The following XAF1 variants were observed in gnomAD, a reference collection of about 807,000 sequenced individuals.
XAF1 encodes the protein XIAP-associated factor 1.
A neutral mutation model predicts 32.3 loss-of-function variants in XAF1; 32 were observed. That is an observed-to-expected ratio of 0.99 (90% CI 0.75 to 1.33). The LOEUF is 1.33. Among genes scored for constraint, XAF1 ranks in the 40% most tolerant of loss-of-function variants. The pLI is 0.00. For missense variants in XAF1, 379 were observed against 366.0 expected (o/e 1.04, Z -0.29); for synonymous variants, 120 against 125.9 (o/e 0.95, Z 0.31).
At chr17:6,771,987 T>G (rs2151562888) in intron 6 of XAF1, 1 of 152,364 alleles carries the variant, frequency 6.6e-6, no homozygotes, top group East Asian at 1.9e-4. Flanking sequence ...CTTTTTACTC[T>G]GCCACATGCC....
At chr17:6,762,351 A>G in intron 5 of XAF1, 111 bp downstream of exon 5, 1 of 872,328 alleles carries the variant, frequency 1.1e-6, no homozygotes, top group Non-Finnish European at 1.7e-6. Flanking sequence ...TGGATATTAA[A>G]GGGTCCCATA....
intron 5 of XAF1, among the ~76,000 whole-genome samples, chr17:6,768,154 C>T (rs1975755977): frequency 6.6e-6 from 1 of 150,442 alleles, no homozygotes; most frequent in South Asian, 2.1e-4. Flanking sequence ...ACAAAAGTCT[C>T]ACTCTGTTGC....
intron 2 of XAF1, chr17:6,758,703 C>G (rs1974922126): frequency 4.1e-6 from 1 of 246,144 alleles, no homozygotes; most frequent in Non-Finnish European, 7.8e-6. Context: ...CAGAGTGGGT[C>G]CAGTCCTCCC....
chr17:6,758,306 G>T, intron 2 of XAF1, 82 bp downstream of exon 2: 1 of 1,566,888 alleles, frequency 6.4e-7, no homozygotes, highest in South Asian at 1.1e-5. Context: ...GGGTCTGAGA[G>T]TTGGGGGACG....
intron 5 of XAF1, among the ~76,000 whole-genome samples, chr17:6,764,711 A>G (rs545519637): frequency 2.0e-5 from 3 of 152,050 alleles, no homozygotes; most frequent in South Asian, 4.1e-4. Context: ...ATAAGCTACC[A>G]TCTTGTTTCT....
rs1262891069 is a variant in XAF1 at position 6,769,618 on chromosome 17, T to C, written c.508-1025T>C. Among the ~76,000 whole-genome samples the C allele has an allele frequency of 4.6e-5, 7 of 152,192 alleles. No homozygotes were observed. In the East Asian group the frequency reaches 1.3e-3, roughly 29 times the overall value. On this transcript the variant is annotated intron_variant, in intron 5 of 6. Coordinates refer to ENST00000361842, the MANE Select transcript of XAF1 (RefSeq NM_017523.5). ...TCAAGGTGGATTGCTTCCTTGTGTGTTTGTAATTTTGGATTGTGAGTTTCT... is the reference window on the plus strand; with the variant it reads ...TCAAGGTGGATTGCTTCCTTGTGTGCTTGTAATTTTGGATTGTGAGTTTCT...
chr17:6,764,874 C>CCAATGCT (rs1168590184), intron 5 of XAF1, among the ~76,000 whole-genome samples: 2 of 152,100 alleles, frequency 1.3e-5, no homozygotes, highest in Non-Finnish European at 2.9e-5. Context: ...ATTGCTAAAT[C>CCAATGCT]CAATGCTCAG....
chr17:6,774,223 T>C lies in XAF1; in HGVS notation c.*1054T>C, dbSNP rs2151567719. On this transcript the variant is annotated 3_prime_UTR_variant, in exon 7 of 7. Coordinates refer to ENST00000361842, the MANE Select transcript of XAF1 (RefSeq NM_017523.5). The stretch of plus-strand genomic sequence containing the variant: ...TGGTGCTGGTACAAAAGCAGACACA[T>C]AGATCAATGGAACAGAATAGAGGGC... The C allele has an allele frequency of 6.6e-6, 1 of 152,226 alleles. No homozygotes were observed. Among genetic ancestry groups the C allele is most frequent in the Middle Eastern group, 3.4e-3 (1 of 294 alleles). The allele number at this position is 152,226 out of a possible 1,614,324, so 9.4% of individuals were successfully genotyped here.
chr17:6,769,325 T>C (rs1975845838), intron 5 of XAF1, among the ~76,000 whole-genome samples: 1 of 152,166 alleles, frequency 6.6e-6, no homozygotes, highest in Admixed American at 6.5e-5. Context: ...TGTGAAGTGA[T>C]TGATATGTTA....
rs1461243720 is a variant in XAF1 at position 6,770,843 on chromosome 17, C to T, written c.708C>T (p.Asn236=). 1 of 1,613,710 alleles carries T rather than the reference C, an allele frequency of 6.2e-7. No homozygotes were observed. The highest frequency in any genetic ancestry group is 1.3e-5 in the African/African-American group (1 of 74,874). ...SSSKKAPRSK[N]KTLDPLLMSE... Reference sequence around the variant, plus strand: ...CAAAGAAAGCACCAAGAAGCAAAAACAAAACCTTGGATCCACTTTTGATGT... The same window carrying T: ...CAAAGAAAGCACCAAGAAGCAAAAATAAAACCTTGGATCCACTTTTGATGT... Residue 236 remains asparagine, a synonymous_variant, in exon 6 of 7, where the codon AAC becomes AAT. Coordinates refer to ENST00000361842, the MANE Select transcript of XAF1 (RefSeq NM_017523.5).
At chr17:6,761,164 A>G (rs936956462) in intron 4 of XAF1, among the ~76,000 whole-genome samples, 5 of 141,448 alleles carry the variant, frequency 3.5e-5, no homozygotes, top group South Asian at 2.4e-4. Context: ...CAAAAAAAAA[A>G]GGGGGGGACC....
intron 1 of XAF1, among the ~76,000 whole-genome samples, chr17:6,757,242 A>T (rs1280171989): frequency 6.6e-6 from 1 of 152,136 alleles, no homozygotes; most frequent in African/African-American, 2.4e-5. Context: ...ACCTCAGGTG[A>T]TCCACCCGCC....
chr17:6,757,976 C>T (rs2151525403), intron 1 of XAF1, 113 bp from the exon 2 acceptor site: 2 of 1,435,118 alleles, frequency 1.4e-6, no homozygotes, highest in South Asian at 1.2e-5. Flanking sequence ...ATCATCATCA[C>T]ATGTTCAGTG....
intron 6 of XAF1, 41 bp from the exon 7 acceptor site, chr17:6,773,072 T>C: frequency 6.4e-7 from 1 of 1,552,942 alleles, no homozygotes; most frequent in Non-Finnish European, 8.8e-7. Flanking sequence ...TAGCACTTCT[T>C]ACTTTAACCA....
At chr17:6,763,837 G>A (rs1975397257) in intron 5 of XAF1, among the ~76,000 whole-genome samples, 1 of 152,196 alleles carries the variant, frequency 6.6e-6, no homozygotes, top group Admixed American at 6.5e-5. Flanking sequence ...CGCTGCCCCA[G>A]CCACGGGATT....
intron 5 of XAF1, among the ~76,000 whole-genome samples, chr17:6,764,022 G>A (rs1320197602): frequency 1.3e-5 from 2 of 152,130 alleles, no homozygotes; most frequent in African/African-American, 4.8e-5. Context: ...GGCAACCAGG[G>A]CACCTACACA....
chr17:6,756,280 T>C, intron 1 of XAF1, 170 bp downstream of exon 1: 3 of 1,328,230 alleles, frequency 2.3e-6, no homozygotes, highest in Admixed American at 2.9e-5. Context: ...AACTTGGTAA[T>C]CTCTGGGTGG....
At chr17:6,755,791 T>G, upstream of XAF1, 1 of 1,234,538 alleles carries the variant, frequency 8.1e-7, no homozygotes, top group Non-Finnish European at 1.0e-6. Flanking sequence ...AACAAGCTGC[T>G]GTGCTGCCCA....
At chr17:6,768,926 A>T (rs1286577042) in intron 5 of XAF1, among the ~76,000 whole-genome samples, 1 of 152,070 alleles carries the variant, frequency 6.6e-6, no homozygotes, top group East Asian at 1.9e-4. Flanking sequence ...GAAAATTCTC[A>T]TCTATTATCT....
Sources: allele counts gnomAD v4.1 joint callset (sites outside exome capture counted in the v4.1 genomes callset), GRCh38; gene constraint gnomAD v4.1.1; transcripts MANE v1.5; gene names NCBI Gene and HGNC (gene_info 2026-07-23, HGNC 2026-07-21).